Variants in HDGF observed in about 807,000 individuals in gnomAD.
The protein encoded by HDGF is hepatoma-derived growth factor.
Under a neutral mutation model 30.0 loss-of-function variants are expected in HDGF, and 5 were observed. The observed-to-expected ratio is 0.17, with a 90% CI of 0.09 to 0.35. The LOEUF is 0.35. Among genes scored for constraint, HDGF ranks in the 10% least tolerant of loss-of-function variants. HDGF has a pLI of 1.00. For synonymous variants in HDGF, 133 were observed against 112.7 expected (o/e 1.18, Z -1.14); for missense variants, 214 against 302.8 (o/e 0.71, Z 2.18).
chr1:156,752,182 G>T (rs1470697650), upstream of HDGF: 1 of 1,551,702 alleles, frequency 6.4e-7, no homozygotes, highest in Non-Finnish European at 8.7e-7. Context: ...AGTGGGCGCC[G>T]TGCCGCTCCG....
Position 156,743,300 on chromosome 1 carries a change from G to C in HDGF, c.*149C>G. The C allele has an allele frequency of 1.2e-6, 1 of 828,492 alleles. No homozygotes were observed. Among genetic ancestry groups the C allele is most frequent in the East Asian group, 2.7e-5 (1 of 37,048 alleles). The allele number at this position is 828,492 out of a possible 1,614,324, so 51.3% of individuals were successfully genotyped here. A position where few individuals can be genotyped will look rare whatever the true frequency, so the allele number is the denominator to read the frequency against. On this transcript the variant is annotated 3_prime_UTR_variant, in exon 6 of 6. Coordinates refer to ENST00000357325, the MANE Select transcript of HDGF (RefSeq NM_004494.3). ...GCCCCATCCAGGTCAATCTCCATGG[G>C]CTGGGCTTGGAGTGGGAAAAGTGAG...
At position 156,743,671 on chromosome 1, in the gene HDGF, C is replaced by T. The variant is rs767312799; in HGVS notation, c.697G>A (p.Gly233Ser). 7 of 1,612,414 alleles carry T rather than the reference C, an allele frequency of 4.3e-6. No individual in the cohort carries two copies. The African/African-American group carries it at 9.4e-5, about 22-fold the overall frequency. ...ACTCACCTCTCATGATCTCTGATGC[C>T]TGGGGCCTCAGCATCTTCCTTGGTA... is the stretch of plus-strand genomic sequence containing the variant. ...EATKEDAEAP[G>S]IRDHESL is the part of the protein sequence containing the mutation. The change falls in exon 5 of 6, where the codon GGC becomes AGC. Residue 233 changes from glycine (G) to serine (S), a missense_variant. Transcript: ENST00000357325.
intron 1 of HDGF, among the ~76,000 whole-genome samples, chr1:156,765,124 C>T (rs1310145670): frequency 7.0e-6 from 1 of 141,964 alleles, no homozygotes; most frequent in African/African-American, 2.6e-5. Context: ...CGGAGTTTCA[C>T]TCTTGTTGCC....
upstream of HDGF, among the ~76,000 whole-genome samples, chr1:156,756,270 T>A (rs1366013017): frequency 6.6e-6 from 1 of 152,038 alleles, no homozygotes; most frequent in Non-Finnish European, 1.5e-5. Flanking sequence ...AATAAATAAA[T>A]AAATAAAGTT....
chr1:156,744,695 A>T, intron 3 of HDGF: 1 of 549,846 alleles, frequency 1.8e-6, no homozygotes, highest in Non-Finnish European at 3.0e-6. Flanking sequence ...TCCTCCTGGA[A>T]GCCTTTGTGG....
chr1:156,751,334 G>A lies in HDGF; in HGVS notation c.87+9C>T. 6.2e-7 allele frequency: 1 copy of A among 1,605,780 alleles called. No homozygotes were observed. The highest frequency in any genetic ancestry group is 1.1e-5 in the South Asian group (1 of 90,366). ...AGGGGGTTAGGGGGCGGCGGGCCGC[G>A]CTGCTCACCCGGGCCGGCCAGTGTG... On this transcript the variant is annotated intron_variant, in intron 1 of 5. Coordinates refer to ENST00000357325, the MANE Select transcript of HDGF (RefSeq NM_004494.3). The surrounding 1 kb of genome is among the most constrained non-coding windows in gnomAD (Gnocchi z 4.7).
chr1:156,756,275 A>AAATG (rs1165379828), upstream of HDGF, among the ~76,000 whole-genome samples: 1 of 152,170 alleles, frequency 6.6e-6, no homozygotes, highest in Admixed American at 6.5e-5. Flanking sequence ...ATAAATAAAT[A>AAATG]AAGTTCTTTG....
intron 1 of HDGF, among the ~76,000 whole-genome samples, chr1:156,745,816 A>T (rs1650497932): frequency 6.6e-6 from 1 of 152,196 alleles, no homozygotes; most frequent in Admixed American, 6.5e-5. Context: ...CAATGGCAAG[A>T]TCTGAATCCC....
intron 3 of HDGF, 116 bp downstream of exon 3, chr1:156,744,892 C>T (rs1194178851): frequency 7.9e-7 from 1 of 1,258,352 alleles, no homozygotes. Context: ...TGATTAGCTC[C>T]TACCCTGAAA....
At chr1:156,752,510 G>A (rs1651045165), upstream of HDGF, 54 of 698,594 alleles carry the variant, frequency 7.7e-5, no homozygotes, top group South Asian at 9.3e-4. Context: ...AGACCGAGGG[G>A]CCAGGTGCTA....
intron 1 of HDGF, among the ~76,000 whole-genome samples, chr1:156,746,569 G>A (rs1379881386): frequency 1.3e-5 from 2 of 152,132 alleles, no homozygotes; most frequent in East Asian, 1.9e-4. Context: ...CCCGCCCCAC[G>A]TGTCCCCGTG....
intron 1 of HDGF, among the ~76,000 whole-genome samples, chr1:156,748,146 G>T (rs776595956): frequency 2.0e-4 from 30 of 152,178 alleles, no homozygotes; most frequent in Non-Finnish European, 3.5e-4. Context: ...CTCACCTAGA[G>T]TATAGGCACT....
intron 1 of HDGF, among the ~76,000 whole-genome samples, chr1:156,761,962 TAA>T (rs138667606): frequency 3.8e-5 from 5 of 131,710 alleles, no homozygotes; most frequent in Admixed American, 2.3e-4. Flanking sequence ...ATTAATTAAT[TAA>T]AAAAAAAACA....
chr1:156,744,016 GTCCCATCTGGTCAGCTGGGGAC>G (rs1235800339), intron 4 of HDGF, 125 bp downstream of exon 4: 3 of 1,049,356 alleles, frequency 2.9e-6, no homozygotes, highest in Non-Finnish European at 4.4e-6. Context: ...TGCCTTCTGT[GTCCCATCTGGTCAGCTGGGGAC>G]TCCCCAAGAC....
chr1:156,751,977 A>G (rs1651016212), upstream of HDGF: 1 of 1,471,448 alleles, frequency 6.8e-7, no homozygotes, highest in South Asian at 1.2e-5. The surrounding 1 kb of genome is among the most constrained non-coding windows in gnomAD (Gnocchi z 4.7). Context: ...GCCCGGGAGG[A>G]GCTGGCGCCC....
At chr1:156,745,269 G>T in intron 2 of HDGF, 28 bp downstream of exon 2, 1 of 1,612,042 alleles carries the variant, frequency 6.2e-7, no homozygotes, top group South Asian at 1.1e-5. Flanking sequence ...GGGCCCTCCC[G>T]ACCTATACCC....
chr1:156,751,249 C>G lies in HDGF; in HGVS notation c.87+94G>C. 7.0e-7 allele frequency: 1 copy of G among 1,433,292 alleles called. No individual in the cohort carries two copies. The highest frequency in any genetic ancestry group is 9.3e-7 in the Non-Finnish European group (1 of 1,077,390). 88.8% of individuals were successfully genotyped at this position (1,433,292 alleles called of 1,614,324 possible). A position where few individuals can be genotyped will look rare whatever the true frequency, so the allele number is the denominator to read the frequency against. Reference sequence around the variant, plus strand: ...AGACCTACAAGCCCCCTGCCCCCACCTCTGCCCGCTCCGCGCGGAGCGCTC... The same window carrying G: ...AGACCTACAAGCCCCCTGCCCCCACGTCTGCCCGCTCCGCGCGGAGCGCTC... On this transcript the variant is annotated intron_variant, in intron 1 of 5. Transcript: ENST00000357325. The surrounding 1 kb of genome is among the most constrained non-coding windows in gnomAD (Gnocchi z 4.7).
At chr1:156,750,113 C>T (rs930988211) in intron 1 of HDGF, among the ~76,000 whole-genome samples, 1 of 152,130 alleles carries the variant, frequency 6.6e-6, no homozygotes, top group Admixed American at 6.5e-5. Context: ...GGAAGGGTCT[C>T]TGAGTTTTCT....
At chr1:156,746,184 C>T (rs1357310094) in intron 1 of HDGF, among the ~76,000 whole-genome samples, 2 of 152,222 alleles carry the variant, frequency 1.3e-5, no homozygotes, top group Admixed American at 1.3e-4. Flanking sequence ...ACAGTGCTTT[C>T]CCAGTTCTAA....
Sources: gnomAD v4.1 joint callset for allele counts (sites outside exome capture counted in the v4.1 genomes callset) on GRCh38, gnomAD v4.1.1 for gene constraint, Gnocchi (gnomAD v3.1) non-coding constraint, MANE v1.5 for transcripts, NCBI Gene and HGNC (gene_info 2026-07-23, HGNC 2026-07-21) for gene names.